The following BTBD9 variants were observed in gnomAD, a reference collection of about 807,000 sequenced individuals.
BTBD9 encodes the protein BTB domain containing 9, also known as BTB/POZ domain-containing protein 9.
Under a neutral mutation model 64.3 loss-of-function variants are expected in BTBD9, and 49 were observed. The ratio of observed to expected loss-of-function variants is 0.76; its 90% CI spans 0.61 to 0.97. The LOEUF (loss-of-function observed/expected upper bound fraction) is 0.97, where lower values mean the gene tolerates loss of function less well. BTBD9 is among the 50% of genes least tolerant of loss of function. The probability of loss-of-function intolerance (pLI) is 0.00; values close to 1 mark genes in which losing one functional copy is unlikely to be tolerated. For missense variants in BTBD9, 598 were observed against 762.1 expected (o/e 0.78, Z 2.53); for synonymous variants, 260 against 274.7 (o/e 0.95, Z 0.53).
intron 6 of BTBD9, among the ~76,000 whole-genome samples, chr6:38,499,244 G>A (rs1477933219): frequency 6.6e-6 from 1 of 152,040 alleles, no homozygotes; most frequent in Non-Finnish European, 1.5e-5. Flanking sequence ...TGCAGTCTCA[G>A]AAAACACTGC....
chr6:38,319,590 G>A (rs533257989), intron 7 of BTBD9, among the ~76,000 whole-genome samples: 1 of 152,058 alleles, frequency 6.6e-6, no homozygotes, highest in African/African-American at 2.4e-5. Flanking sequence ...TCATCTGGGA[G>A]CTAGGGCCTG....
intron 6 of BTBD9, among the ~76,000 whole-genome samples, chr6:38,428,520 C>A (rs1366994306): frequency 6.6e-6 from 1 of 150,722 alleles, no homozygotes; most frequent in Non-Finnish European, 1.5e-5. Flanking sequence ...ATTTTTTTGG[C>A]ACACTCTATA....
intron 8 of BTBD9, among the ~76,000 whole-genome samples, chr6:38,259,043 A>G (rs1764706416): frequency 6.6e-6 from 1 of 152,252 alleles, no homozygotes; most frequent in Non-Finnish European, 1.5e-5. Flanking sequence ...CACTATTATT[A>G]TGAAATTACA....
chr6:38,475,370 C>T (rs918018467), intron 6 of BTBD9, among the ~76,000 whole-genome samples: 1 of 152,190 alleles, frequency 6.6e-6, no homozygotes, highest in Admixed American at 6.5e-5. Context: ...ACATTGCTGT[C>T]TCCATCTTTG....
At chr6:38,313,236 T>C (rs79713648) in intron 7 of BTBD9, among the ~76,000 whole-genome samples, 255 of 152,356 alleles carry the variant, frequency 1.7e-3, no homozygotes, top group African/African-American at 5.0e-3. Flanking sequence ...GGTGATTTTC[T>C]ATCTTACAAC....
intron 6 of BTBD9, among the ~76,000 whole-genome samples, chr6:38,420,869 A>G (rs1290831143): frequency 6.6e-6 from 1 of 152,116 alleles, no homozygotes; most frequent in African/African-American, 2.4e-5. Context: ...AATAATAATA[A>G]TAACATCCTA....
At chr6:38,191,856 A>G (rs1200806821) in intron 10 of BTBD9, among the ~76,000 whole-genome samples, 3 of 152,222 alleles carry the variant, frequency 2.0e-5, no homozygotes, top group Non-Finnish European at 4.4e-5. Flanking sequence ...CACAATTCAA[A>G]GGTAAAAAGA....
At chr6:38,478,952 T>G (rs1183386002) in intron 6 of BTBD9, among the ~76,000 whole-genome samples, 1 of 152,176 alleles carries the variant, frequency 6.6e-6, no homozygotes, top group Non-Finnish European at 1.5e-5. Flanking sequence ...ACATCCCAAA[T>G]AGTATCACAG....
chr6:38,611,200 G>C (rs1011375685), intron 1 of BTBD9, among the ~76,000 whole-genome samples: 4 of 152,044 alleles, frequency 2.6e-5, no homozygotes, highest in African/African-American at 9.7e-5. Flanking sequence ...CACAGACATA[G>C]AAAAAAGAAT....
At chr6:38,507,560 G>A (rs2127407068) in intron 6 of BTBD9, among the ~76,000 whole-genome samples, 1 of 152,294 alleles carries the variant, frequency 6.6e-6, no homozygotes, top group Middle Eastern at 3.4e-3. Context: ...AAATGGAAAT[G>A]TCTTACTGAC....
intron 9 of BTBD9, among the ~76,000 whole-genome samples, chr6:38,228,377 G>A (rs1273667536): frequency 7.1e-6 from 1 of 140,202 alleles, no homozygotes; most frequent in Non-Finnish European, 1.5e-5. Context: ...AAAAGAGAGA[G>A]AGTAAACCTA....
chr6:38,479,121 C>G (rs573340515), intron 6 of BTBD9, among the ~76,000 whole-genome samples: 155 of 152,290 alleles, frequency 1.0e-3, no homozygotes, highest in South Asian at 1.9e-3. Context: ...CGACCAACAC[C>G]ACAGGAGGAG....
At chr6:38,616,733 G>A (rs1777805336) in intron 1 of BTBD9, among the ~76,000 whole-genome samples, 1 of 152,124 alleles carries the variant, frequency 6.6e-6, no homozygotes, top group African/African-American at 2.4e-5. Flanking sequence ...GACAATAAAG[G>A]AATAAAAGCT....
At chr6:38,308,757 C>T (rs1000176006) in intron 7 of BTBD9, among the ~76,000 whole-genome samples, 3 of 151,988 alleles carry the variant, frequency 2.0e-5, no homozygotes, top group Admixed American at 1.3e-4. Flanking sequence ...AGGTATGTGC[C>T]ACCAAGCCTG....
At chr6:38,341,634 A>G (rs2127588025) in intron 7 of BTBD9, among the ~76,000 whole-genome samples, 1 of 152,368 alleles carries the variant, frequency 6.6e-6, no homozygotes, top group South Asian at 2.1e-4. Context: ...AAGGCAAAGT[A>G]AATACATTCT....
intron 10 of BTBD9, among the ~76,000 whole-genome samples, chr6:38,185,474 C>T (rs1761775464): frequency 6.6e-6 from 1 of 152,156 alleles, no homozygotes; most frequent in South Asian, 2.1e-4. Flanking sequence ...TTGTGGGAGA[C>T]GCAGTGGCCT....
At position 38,486,178 on chromosome 6, in the gene BTBD9, G is replaced by A. The variant is rs142144335; in HGVS notation, c.1154+91422C>T. Among the ~76,000 whole-genome samples, 69 of 152,296 alleles carry A rather than the reference G, an allele frequency of 4.5e-4. 1 individual carries two copies. In the East Asian group the frequency reaches 9.6e-3, roughly 21 times the overall value. ...AATTGAAGAGTTAGGGCCTTGCTCC[G>A]AATCAGGCTTTGGCTTTAGGGAATG... On this transcript the variant is annotated intron_variant, in intron 6 of 10. Coordinates refer to ENST00000481247, the MANE Select transcript of BTBD9 (RefSeq NM_001099272.2).
intron 6 of BTBD9, among the ~76,000 whole-genome samples, chr6:38,386,274 T>G (rs1216674932): frequency 6.6e-6 from 1 of 152,144 alleles, no homozygotes; most frequent in Non-Finnish European, 1.5e-5. Context: ...GATATCAATT[T>G]TGCCACCTCA....
At chr6:38,330,762 A>G (rs1299808886) in intron 7 of BTBD9, among the ~76,000 whole-genome samples, 1 of 152,210 alleles carries the variant, frequency 6.6e-6, no homozygotes, top group African/African-American at 2.4e-5. Context: ...TCTATGATAT[A>G]TCTATTTTAA....
Sources: allele counts gnomAD v4.1 joint callset (sites outside exome capture counted in the v4.1 genomes callset), GRCh38; gene constraint gnomAD v4.1.1; transcripts MANE v1.5; gene names NCBI Gene and HGNC (gene_info 2026-07-23, HGNC 2026-07-21).